TMEFF2: variants seen among roughly 807,000 people sequenced by gnomAD.
The protein encoded by TMEFF2 is tomoregulin-2.
Under a neutral mutation model 53.8 loss-of-function variants are expected in TMEFF2, and 28 were observed. The ratio of observed to expected loss-of-function variants is 0.52; its 90% CI spans 0.39 to 0.71. The LOEUF is 0.71. Ranked by LOEUF, TMEFF2 falls within the 30% of genes least tolerant of loss-of-function variation. The pLI is 0.00. For synonymous variants in TMEFF2, 162 were observed against 166.3 expected, an observed-to-expected ratio of 0.97 and a Z score of 0.20; for missense variants, 353 against 455.2, an observed-to-expected ratio of 0.78 and a Z score of 2.04.
intron 5 of TMEFF2, among the ~76,000 whole-genome samples, chr2:192,040,894 A>G (rs529497326): frequency 6.6e-6 from 1 of 152,332 alleles, no homozygotes; most frequent in South Asian, 2.1e-4. Context: ...TTTTCAACAA[A>G]TGGTGTAGAA....
At chr2:192,110,527 T>G (rs906758000) in intron 4 of TMEFF2, among the ~76,000 whole-genome samples, 2 of 152,172 alleles carry the variant, frequency 1.3e-5, no homozygotes, top group African/African-American at 4.8e-5. Flanking sequence ...TCTCTTCCCT[T>G]CCAAGACAAT....
At chr2:192,043,509 A>G (rs1030184609) in intron 5 of TMEFF2, 9 of 152,220 alleles carry the variant, frequency 5.9e-5, no homozygotes, top group Non-Finnish European at 2.9e-5. Context: ...CTGAACTGAC[A>G]CTAATTACAA....
chr2:192,194,776 C>G lies in TMEFF2; in HGVS notation c.-252G>C, dbSNP rs1181546528. 11 of 533,372 alleles carry G rather than the reference C, an allele frequency of 2.1e-5. 1 individual carries two copies. In the Admixed American group the frequency reaches 3.6e-4, roughly 17 times the overall value. The allele number at this position is 533,372 out of a possible 1,614,324, so 33.0% of individuals were successfully genotyped here. ...GAAGCTGCGCCGGAGACGCGGGAAG[C>G]TGCTGCCATAAGGAGGGAGCTCTGG... is the stretch of plus-strand genomic sequence containing the variant. On this transcript the variant is annotated 5_prime_UTR_variant, in exon 1 of 10. Transcript: ENST00000272771. The surrounding 1 kb of genome is among the most constrained non-coding windows in gnomAD (Gnocchi z 4.2).
At position 191,981,236 on chromosome 2, in the gene TMEFF2, C is replaced by T. The variant is rs114554652; in HGVS notation, c.745+17026G>A. Among the ~76,000 whole-genome samples the T allele has an allele frequency of 2.0e-3, 309 of 152,272 alleles. 3 individuals are homozygous for T. The highest frequency in any genetic ancestry group is 7.1e-3 in the African/African-American group (294 of 41,578). On this transcript the variant is annotated intron_variant, in intron 7 of 9. Coordinates refer to ENST00000272771, the MANE Select transcript of TMEFF2 (RefSeq NM_016192.4). ...CTTAGCTCCAGTTGCTCCACTTTTT[C>T]ATTCCATGCTTTAGCCATGAAACTA...
rs1444807722 is a variant in TMEFF2 at position 191,999,263 on chromosome 2, A to ATAAAT, written c.537-60_537-56dup. 12 of 1,397,370 alleles carry ATAAAT rather than the reference A, an allele frequency of 8.6e-6. No homozygotes were observed. The Admixed American group carries it at 2.7e-4, about 32-fold the overall frequency. 86.6% of individuals were successfully genotyped at this position (1,397,370 alleles called of 1,614,324 possible). ...ACATCAATAGTGTTGTTACCACATT[A>ATAAAT]TAAATAAAACACAAATGAAAGAATT... On this transcript the variant is annotated intron_variant, in intron 5 of 9. Transcript: ENST00000272771.
At chr2:192,051,857 C>G (rs765608623) in intron 5 of TMEFF2, among the ~76,000 whole-genome samples, 3 of 152,216 alleles carry the variant, frequency 2.0e-5, no homozygotes, top group African/African-American at 7.2e-5. Context: ...AGATCCCACA[C>G]CCTGTTTCAG....
intron 7 of TMEFF2, among the ~76,000 whole-genome samples, chr2:191,991,414 A>G (rs114084678): frequency 0.013 from 2,046 of 152,250 alleles, 19 homozygotes; most frequent in Non-Finnish European, 0.023. Flanking sequence ...AAAGGAAAGT[A>G]ACAATAGCTA....
chr2:192,104,906 C>T (rs1385473862), intron 4 of TMEFF2, among the ~76,000 whole-genome samples: 1 of 151,796 alleles, frequency 6.6e-6, no homozygotes, highest in African/African-American at 2.4e-5. Context: ...TTTCTTTTTA[C>T]CTGTCTTATT....
intron 5 of TMEFF2, chr2:192,043,804 CAAAG>C (rs941977919): frequency 5.9e-5 from 9 of 152,226 alleles, no homozygotes; most frequent in African/African-American, 1.4e-4. Context: ...ATATTAAACA[CAAAG>C]AAACACTACA....
intron 4 of TMEFF2, among the ~76,000 whole-genome samples, chr2:192,113,794 T>C (rs1447614862): frequency 6.6e-6 from 1 of 152,120 alleles, no homozygotes; most frequent in Non-Finnish European, 1.5e-5. Context: ...GCTGGGTACT[T>C]AGTATTCACC....
intron 4 of TMEFF2, among the ~76,000 whole-genome samples, chr2:192,096,484 A>G (rs1688906482): frequency 6.6e-6 from 1 of 151,680 alleles, no homozygotes; most frequent in African/African-American, 2.4e-5. Context: ...TATGCCTACA[A>G]ACAATTTTGT....
chr2:192,013,177 G>A (rs1229345588), intron 5 of TMEFF2, among the ~76,000 whole-genome samples: 1 of 152,134 alleles, frequency 6.6e-6, no homozygotes, highest in Non-Finnish European at 1.5e-5. Context: ...CGTGGTTCAT[G>A]AGGCCCTGTG....
intron 7 of TMEFF2, among the ~76,000 whole-genome samples, chr2:191,985,175 C>A (rs1685946883): frequency 6.6e-6 from 1 of 151,622 alleles, no homozygotes; most frequent in Admixed American, 6.6e-5. Flanking sequence ...TCACAAAGGG[C>A]TTTAATATCT....
intron 5 of TMEFF2, among the ~76,000 whole-genome samples, chr2:192,033,514 G>A (rs1014608674): frequency 1.8e-5 from 2 of 112,996 alleles, no homozygotes; most frequent in African/African-American, 6.3e-5. Flanking sequence ...AAAAAAACCA[G>A]TTTGGATTTT....
intron 7 of TMEFF2, among the ~76,000 whole-genome samples, chr2:191,963,145 G>A (rs138779406): frequency 6.1e-4 from 93 of 152,250 alleles, no homozygotes; most frequent in Non-Finnish European, 1.2e-3. Flanking sequence ...ATTTGTTGCA[G>A]CTCTCCCCAT....
chr2:192,061,850 C>T (rs559157504), intron 4 of TMEFF2, among the ~76,000 whole-genome samples: 3 of 152,194 alleles, frequency 2.0e-5, no homozygotes, highest in East Asian at 1.9e-4. Flanking sequence ...GGAACCTCTT[C>T]GTTCTCTCTC....
In TMEFF2 at chr2:192,022,564, C is replaced by T. The variant is rs921294535; in HGVS notation, c.537-23356G>A. Among the ~76,000 whole-genome samples the T allele has an allele frequency of 2.6e-5, 4 of 152,192 alleles. 1 individual carries two copies. The highest frequency in any genetic ancestry group is 4.2e-4 in the South Asian group (2 of 4,818). On this transcript the variant is annotated intron_variant, in intron 5 of 9. Transcript: ENST00000272771. Reference sequence around the variant, plus strand: ...AGTGGCTTTGTTTCTTTGGTAGAACCCTTCTGATAGAGGAAGCAAAGTGTT... The same window carrying T: ...AGTGGCTTTGTTTCTTTGGTAGAACTCTTCTGATAGAGGAAGCAAAGTGTT...
At chr2:192,172,788 T>C (rs2106025677) in intron 4 of TMEFF2, among the ~76,000 whole-genome samples, 1 of 152,040 alleles carries the variant, frequency 6.6e-6, no homozygotes, top group East Asian at 1.9e-4. Flanking sequence ...GTCATCGGAC[T>C]GCTGGTAGAA....
intron 4 of TMEFF2, among the ~76,000 whole-genome samples, chr2:192,087,273 C>T (rs1366886764): frequency 6.6e-6 from 1 of 151,896 alleles, no homozygotes; most frequent in African/African-American, 2.4e-5. Context: ...ACATGCAACA[C>T]CTAGTGAAAA....
Sources: gnomAD v4.1 joint callset for allele counts (sites outside exome capture counted in the v4.1 genomes callset) on GRCh38, gnomAD v4.1.1 for gene constraint, Gnocchi (gnomAD v3.1) non-coding constraint, MANE v1.5 for transcripts, NCBI Gene and HGNC (gene_info 2026-07-23, HGNC 2026-07-21) for gene names.